The following CCDC87 variants were observed in gnomAD, a reference collection of about 807,000 sequenced individuals.
The protein encoded by CCDC87 is coiled-coil domain-containing protein 87.
For missense variants in CCDC87, 1,072 were observed against 1,041.7 expected (o/e 1.03, Z -0.40); for synonymous variants, 434 against 440.2 (o/e 0.99, Z 0.18).
rs939482600 is a variant in CCDC87, at chr11:66,590,195, G to A, written c.*271C>T. On this transcript the variant is annotated 3_prime_UTR_variant, in exon 1 of 1. Transcript: ENST00000333861. ...CAGTTCTTTTGATATAGGAGATTTGGCTTGTATTGTGCAAGGCTTGACATA... is the reference window on the plus strand; with the variant it reads ...CAGTTCTTTTGATATAGGAGATTTGACTTGTATTGTGCAAGGCTTGACATA... 2 of 401,176 alleles carry A rather than the reference G, an allele frequency of 5.0e-6. No individual in the cohort carries two copies. Among genetic ancestry groups the A allele is most frequent in the Admixed American group, 4.1e-5 (1 of 24,316 alleles). 24.9% of individuals were successfully genotyped at this position (401,176 alleles called of 1,614,324 possible).
rs558926916 is a variant in CCDC87, at chr11:66,592,333, T to C, written c.683A>G (p.Asn228Ser). Residue 228 changes from asparagine to serine, a missense_variant, in exon 1 of 1, where the codon AAC (asparagine) becomes AGC (serine). By Grantham distance (46) the Asn-to-Ser change is conservative. Coordinates refer to ENST00000333861, the MANE Select transcript of CCDC87 (RefSeq NM_018219.3). ...TGGACGGCTGAGTTGGATGAGGTAGTTCAGGTTGAGGTTAGAGCACTGCAC... is the reference window on the plus strand; with the variant it reads ...TGGACGGCTGAGTTGGATGAGGTAGCTCAGGTTGAGGTTAGAGCACTGCAC... ...AQVQCSNLNLNYLIQLSRPPE... is the reference protein window; with the variant it reads ...AQVQCSNLNLSYLIQLSRPPE... 1 of 1,614,158 alleles carries C rather than the reference T, an allele frequency of 6.2e-7. No homozygotes were observed. Among genetic ancestry groups the C allele is most frequent in the Admixed American group, 1.7e-5 (1 of 60,016 alleles).
Position 66,590,922 on chromosome 11 carries a change from C to A in CCDC87, c.2094G>T (p.Gln698His), listed in dbSNP as rs1051372422. The part of the protein sequence containing the change: ...WSVLEVPDKD[Q>H]VDMTIKYSSK... ...AGCTATATTTAATGGTCATGTCCACCTGGTCCTTGTCAGGGACCTCAAGCA... is the reference window on the plus strand; with the variant it reads ...AGCTATATTTAATGGTCATGTCCACATGGTCCTTGTCAGGGACCTCAAGCA... The change falls in exon 1 of 1, where the codon CAG (glutamine) becomes CAT (histidine). Residue 698 changes from glutamine to histidine, a missense_variant. Coordinates refer to ENST00000333861, the MANE Select transcript of CCDC87 (RefSeq NM_018219.3). The A allele has an allele frequency of 1.2e-6, 2 of 1,613,602 alleles. No individual in the cohort carries two copies. The highest frequency in any genetic ancestry group is 3.3e-5 in the Admixed American group (2 of 60,032).
In CCDC87 at chr11:66,591,172, A is replaced by G; in HGVS notation, c.1844T>C (p.Met615Thr). The G allele has an allele frequency of 1.2e-6, 2 of 1,614,216 alleles. No homozygotes were observed. The highest frequency in any genetic ancestry group is 1.1e-5 in the South Asian group (1 of 91,086). ...ETDFLHVIFQMHEEEVPVEIV... is the reference protein window; with the variant it reads ...ETDFLHVIFQTHEEEVPVEIV... ...CTCCACAGGAACCTCTTCTTCATGC[A>G]TTTGAAAGATGACATGAAGGAAATC... The change falls in exon 1 of 1, where the codon ATG becomes ACG. Residue 615 changes from methionine (M) to threonine (T), a missense_variant. Coordinates refer to ENST00000333861, the MANE Select transcript of CCDC87 (RefSeq NM_018219.3).
rs1263986173 is a variant in CCDC87, at chr11:66,592,775, G to C, written c.241C>G (p.Leu81Val). 1.2e-6 allele frequency: 2 copies of C among 1,612,776 alleles called. No individual in the cohort carries two copies. The highest frequency in any genetic ancestry group is 1.3e-5 in the African/African-American group (1 of 74,952). The change falls in exon 1 of 1, where the codon CTA becomes GTA. Residue 81 changes from leucine (L) to valine (V), a missense_variant. Coordinates refer to ENST00000333861, the MANE Select transcript of CCDC87 (RefSeq NM_018219.3). The part of the protein sequence containing the change: ...IAAGVPPEAR[L>V]RLIKVILDEL... The stretch of plus-strand genomic sequence containing the variant: ...TCCAGGATGACCTTGATGAGACGTA[G>C]TCGGGCCTCAGGAGGCACTCCCGCT...
In CCDC87 at chr11:66,591,917, C is replaced by T. The variant is rs2134974115; in HGVS notation, c.1099G>A (p.Glu367Lys). 6.2e-7 allele frequency: 1 copy of T among 1,613,916 alleles called. No homozygotes were observed. The highest frequency in any genetic ancestry group is 8.5e-7 in the Non-Finnish European group (1 of 1,180,032). ...LKQLIKKMKL[E>K]GTRYPPLDSG... ...TCCAGTGGTGGGTAGCGAGTCCCCT[C>T]CAACTTCATCTTCTTTATCAACTGC... Residue 367 changes from glutamate to lysine, a missense_variant, in exon 1 of 1, where the codon GAG (glutamate) becomes AAG (lysine). Glu to Lys is a moderately conservative substitution (Grantham distance 56). Coordinates refer to ENST00000333861, the MANE Select transcript of CCDC87 (RefSeq NM_018219.3).
chr11:66,592,824 C>T lies in CCDC87; in HGVS notation c.192G>A (p.Lys64=), dbSNP rs920939775. The T allele has an allele frequency of 6.3e-7, 1 of 1,594,700 alleles. No homozygotes were observed. The highest frequency in any genetic ancestry group is 8.6e-7 in the Non-Finnish European group (1 of 1,169,404). Residue 64 remains lysine, a synonymous_variant, in exon 1 of 1, where the codon AAG becomes AAA. Transcript: ENST00000333861. ...TVASLCSQVA[K]LLAGSGIAAG... The stretch of plus-strand genomic sequence containing the variant: ...CTGCTATCCCGCTGCCGGCCAGCAG[C>T]TTGGCCACCTGGCTGCACAGCGACG...
In CCDC87 at chr11:66,591,722, T is replaced by A; in HGVS notation, c.1294A>T (p.Thr432Ser). The A allele has an allele frequency of 6.2e-7, 1 of 1,613,736 alleles. No homozygotes were observed. The highest frequency in any genetic ancestry group is 8.5e-7 in the Non-Finnish European group (1 of 1,180,008). ...FPLHPQPVTI[T>S]LKLRNEVVVQ... ...ACGACCTCATTTCTAAGCTTCAAAG[T>A]AATGGTCACTGGCTGTGGGTGAAGT... Residue 432 changes from threonine to serine, a missense_variant, in exon 1 of 1, where the codon ACT becomes TCT. Thr to Ser is a moderately conservative substitution (Grantham distance 58). Transcript: ENST00000333861.
At position 66,592,807 on chromosome 11, in the gene CCDC87, C is replaced by T; in HGVS notation, c.209G>A (p.Gly70Glu). The stretch of plus-strand genomic sequence containing the variant: ...CTCAGGAGGCACTCCCGCTGCTATC[C>T]CGCTGCCGGCCAGCAGCTTGGCCAC... ...SQVAKLLAGS[G>E]IAAGVPPEAR... is the part of the protein sequence containing the mutation. The change falls in exon 1 of 1, where the codon GGG becomes GAG. Residue 70 changes from glycine to glutamate, a missense_variant. Transcript: ENST00000333861. 1 of 1,599,482 alleles carries T rather than the reference C, an allele frequency of 6.3e-7. No homozygotes were observed. Among genetic ancestry groups the T allele is most frequent in the East Asian group, 2.2e-5 (1 of 44,690 alleles).
chr11:66,593,039 AG>A lies in CCDC87; in HGVS notation c.-25del. 2 of 1,507,200 alleles carry A rather than the reference AG, an allele frequency of 1.3e-6. No individual in the cohort carries two copies. Among genetic ancestry groups the A allele is most frequent in the Non-Finnish European group, 1.8e-6 (2 of 1,130,696 alleles). The allele number at this position is 1,507,200 out of a possible 1,614,324, so 93.4% of individuals were successfully genotyped here. A position where few individuals can be genotyped will look rare whatever the true frequency, so the allele number is the denominator to read the frequency against. On this transcript the variant is annotated 5_prime_UTR_variant, in exon 1 of 1. Transcript: ENST00000333861. The stretch of plus-strand genomic sequence containing the variant: ...ATAGAGCCGGCGGCCGCCACCGTCC[AG>A]GAACAGAAAGCCGAGGGGTTACTAA...
rs1286245206 is a variant in CCDC87 at position 66,591,008 on chromosome 11, G to A, written c.2008C>T (p.His670Tyr). 1.9e-6 allele frequency: 3 copies of A among 1,613,986 alleles called. No homozygotes were observed. The highest frequency in any genetic ancestry group is 1.3e-5 in the African/African-American group (1 of 75,050). Residue 670 changes from histidine (H) to tyrosine (Y), a missense_variant, in exon 1 of 1, where the codon CAC becomes TAC. His to Tyr is a moderately conservative substitution (Grantham distance 83, BLOSUM62 2). Coordinates refer to ENST00000333861, the MANE Select transcript of CCDC87 (RefSeq NM_018219.3). ...AGAATTTTGTGGGGTTCTCCCAGGT[G>A]GGGTGTCTTCCCAGCTCCTAGCCTG... Reference protein sequence around the residue: ...EHRLGAGKTPHLGEPHKILSL... With the variant: ...EHRLGAGKTPYLGEPHKILSL...
Position 66,591,854 on chromosome 11 carries a change from G to A in CCDC87, c.1162C>T (p.His388Tyr), listed in dbSNP as rs1858367654. The part of the protein sequence containing the change: ...LPPLLGVVTR[H>Y]PAAGHRLEEL... ...TCCAGGCGATGCCCTGCAGCTGGGT[G>A]ACGGGTCACAACCCCCAGGAGAGGA... Residue 388 changes from histidine to tyrosine, a missense_variant, in exon 1 of 1, where the codon CAC (histidine) becomes TAC (tyrosine). Transcript: ENST00000333861. 17 of 1,613,586 alleles carry A rather than the reference G, an allele frequency of 1.1e-5. No homozygotes were observed. Among genetic ancestry groups the A allele is most frequent in the South Asian group, 2.2e-5 (2 of 91,068 alleles).
chr11:66,592,331 AGT>A lies in CCDC87; in HGVS notation c.683_684del (p.Asn228IlefsTer14). On this transcript the variant is annotated frameshift_variant, in exon 1 of 1. Coordinates refer to ENST00000333861, the MANE Select transcript of CCDC87 (RefSeq NM_018219.3). LOFTEE classifies it low-confidence loss of function (END_TRUNC). ...AQVQCSNLNL[N>X]YLIQLSRPPE... ...GGTGGACGGCTGAGTTGGATGAGGTAGTTCAGGTTGAGGTTAGAGCACTGCAC... is the reference window on the plus strand; with the variant it reads ...GGTGGACGGCTGAGTTGGATGAGGTATCAGGTTGAGGTTAGAGCACTGCAC... The A allele has an allele frequency of 6.8e-6, 11 of 1,614,156 alleles. No homozygotes were observed. The highest frequency in any genetic ancestry group is 9.3e-6 in the Non-Finnish European group (11 of 1,180,010).
chr11:66,592,444 T>A lies in CCDC87; in HGVS notation c.572A>T (p.Asp191Val), dbSNP rs768476858. ...ALLRAEQASG[D>V]VDKLHPVCPA... ...GCAGACAGGGTGCAGCTTGTCCACA[T>A]CCCCAGAGGCCTGCTCTGCCCTCAG... Residue 191 changes from aspartate (D) to valine (V), a missense_variant, in exon 1 of 1, where the codon GAT becomes GTT. Physicochemically the swap from Asp to Val is radical, Grantham distance 152 (BLOSUM62 -3). Transcript: ENST00000333861. The A allele has an allele frequency of 3.7e-6, 6 of 1,613,724 alleles. No individual in the cohort carries two copies. In the East Asian group the frequency reaches 8.9e-5, roughly 24 times the overall value.
At position 66,590,907 on chromosome 11, in the gene CCDC87, A is replaced by G. The variant is rs1858341812; in HGVS notation, c.2109T>C (p.Ile703=). 1 of 1,613,508 alleles carries G rather than the reference A, an allele frequency of 6.2e-7. No individual in the cohort carries two copies. Among genetic ancestry groups the G allele is most frequent in the African/African-American group, 1.3e-5 (1 of 74,926 alleles). Residue 703 remains isoleucine, a synonymous_variant, in exon 1 of 1, where the codon ATT becomes ATC. Coordinates refer to ENST00000333861, the MANE Select transcript of CCDC87 (RefSeq NM_018219.3). The stretch of plus-strand genomic sequence containing the variant: ...TCAGGCGGGCTTTGGAGCTATATTT[A>G]ATGGTCATGTCCACCTGGTCCTTGT... The part of the protein sequence containing the change: ...VPDKDQVDMT[I]KYSSKARLRQ...
At position 66,591,631 on chromosome 11, in the gene CCDC87, G is replaced by A. The variant is rs760461232; in HGVS notation, c.1385C>T (p.Ala462Val). Reference protein sequence around the residue: ...NFLDSFHIEGAGALYNHLAGE... With the variant: ...NFLDSFHIEGVGALYNHLAGE... ...AGCCAGATGGTTATACAGGGCTCCGGCCCCCTCAATGTGGAAAGAGTCTAA... is the reference window on the plus strand; with the variant it reads ...AGCCAGATGGTTATACAGGGCTCCGACCCCCTCAATGTGGAAAGAGTCTAA... Residue 462 changes from alanine to valine, a missense_variant, in exon 1 of 1, where the codon GCC (alanine) becomes GTC (valine). By Grantham distance (64) the Ala-to-Val change is moderately conservative. Transcript: ENST00000333861. 7 of 1,613,976 alleles carry A rather than the reference G, an allele frequency of 4.3e-6. No homozygotes were observed. In the East Asian group the frequency reaches 1.6e-4, roughly 36 times the overall value.
In CCDC87 at chr11:66,592,061, A is replaced by G. The variant is rs777534955; in HGVS notation, c.955T>C (p.Trp319Arg). The G allele has an allele frequency of 2.5e-6, 4 of 1,611,846 alleles. No homozygotes were observed. The highest frequency in any genetic ancestry group is 3.4e-6 in the Non-Finnish European group (4 of 1,178,872). The change falls in exon 1 of 1, where the codon TGG becomes CGG. Residue 319 changes from tryptophan to arginine, a missense_variant. Physicochemically the swap from Trp to Arg is moderately radical, Grantham distance 101. Coordinates refer to ENST00000333861, the MANE Select transcript of CCDC87 (RefSeq NM_018219.3). ...GQSMPSLREGWRLADELGLPP... is the reference protein window; with the variant it reads ...GQSMPSLREGRRLADELGLPP... ...AGGCCCAACTCATCTGCCAGCCTCC[A>G]GCCCTCACGCAGGGAGGGCATGGAT...
At position 66,591,219 on chromosome 11, in the gene CCDC87, C is replaced by T. The variant is rs1164154805; in HGVS notation, c.1797G>A (p.Lys599=). ...KTTLSVDDYF[K]YLTNHETDFL... is the part of the protein sequence containing the mutation. ...AATCTGTTTCATGGTTGGTGAGGTA[C>T]TTGAAGTAGTCATCCACAGACAAGG... The change falls in exon 1 of 1, where the codon AAG becomes AAA. Residue 599 remains lysine, a synonymous_variant. Coordinates refer to ENST00000333861, the MANE Select transcript of CCDC87 (RefSeq NM_018219.3). 1 of 1,614,242 alleles carries T rather than the reference C, an allele frequency of 6.2e-7. No individual in the cohort carries two copies. Among genetic ancestry groups the T allele is most frequent in the Non-Finnish European group, 8.5e-7 (1 of 1,180,046 alleles).
chr11:66,592,424 C>G lies in CCDC87; in HGVS notation c.592G>C (p.Val198Leu). 2 of 1,614,026 alleles carry G rather than the reference C, an allele frequency of 1.2e-6. No individual in the cohort carries two copies. Among genetic ancestry groups the G allele is most frequent in the Non-Finnish European group, 1.7e-6 (2 of 1,180,002 alleles). The change falls in exon 1 of 1, where the codon GTC (valine) becomes CTC (leucine). Residue 198 changes from valine to leucine, a missense_variant. Transcript: ENST00000333861. ...AGCTTGAACGTCCCAGCGGGGCAGA[C>G]AGGGTGCAGCTTGTCCACATCCCCA... is the stretch of plus-strand genomic sequence containing the variant. Reference protein sequence around the residue: ...ASGDVDKLHPVCPAGTFKLCP... With the variant: ...ASGDVDKLHPLCPAGTFKLCP...
rs1565320015 is a variant in CCDC87 at position 66,591,720 on chromosome 11, A to G, written c.1296T>C (p.Thr432=). The G allele has an allele frequency of 1.2e-6, 2 of 1,613,742 alleles. No homozygotes were observed. Among genetic ancestry groups the G allele is most frequent in the Middle Eastern group, 3.3e-4 (2 of 6,060 alleles). Residue 432 remains threonine, a synonymous_variant, in exon 1 of 1, where the codon ACT becomes ACC. Coordinates refer to ENST00000333861, the MANE Select transcript of CCDC87 (RefSeq NM_018219.3). ...FPLHPQPVTI[T]LKLRNEVVVQ... ...CCACGACCTCATTTCTAAGCTTCAA[A>G]GTAATGGTCACTGGCTGTGGGTGAA...
Sources: gnomAD v4.1 joint callset for allele counts on GRCh38, gnomAD v4.1.1 for gene constraint, MANE v1.5 for transcripts, NCBI Gene and HGNC (gene_info 2026-07-23, HGNC 2026-07-21) for gene names.